CAMK1D: variants seen among roughly 807,000 people sequenced by gnomAD.
The protein encoded by CAMK1D is calcium/calmodulin-dependent protein kinase type 1D.
In CAMK1D, 9 loss-of-function variants were observed where a neutral mutation model predicts 47.7. The ratio of observed to expected loss-of-function variants is 0.19; its 90% CI spans 0.11 to 0.33. The LOEUF (loss-of-function observed/expected upper bound fraction) is 0.33, where lower values mean the gene tolerates loss of function less well. Ranked by LOEUF, CAMK1D falls within the 10% of genes least tolerant of loss-of-function variation. The probability of loss-of-function intolerance (pLI) is 1.00; values close to 1 mark genes in which losing one functional copy is unlikely to be tolerated. For missense variants in CAMK1D, 291 were observed against 488.7 expected, an observed-to-expected ratio of 0.60 and a Z score of 3.81; for synonymous variants, 184 against 184.9, an observed-to-expected ratio of 0.99 and a Z score of 0.04.
chr10:12,793,281 T>C (rs1341479604), intron 6 of CAMK1D, among the ~76,000 whole-genome samples: 1 of 152,192 alleles, frequency 6.6e-6, no homozygotes, highest in Non-Finnish European at 1.5e-5. Flanking sequence ...CCTTTATGTC[T>C]ATCTGGACCT....
intron 1 of CAMK1D, among the ~76,000 whole-genome samples, chr10:12,404,041 T>C (rs1325956118): frequency 6.6e-6 from 1 of 151,196 alleles, no homozygotes; most frequent in African/African-American, 2.4e-5. Flanking sequence ...TTTTTTGAGC[T>C]TTTCTTTTTC....
chr10:12,513,330 C>G (rs1022804885), intron 1 of CAMK1D, among the ~76,000 whole-genome samples: 11 of 152,140 alleles, frequency 7.2e-5, no homozygotes, highest in African/African-American at 2.4e-4. Flanking sequence ...TCGTGTGGGT[C>G]TTTGGGGAGC....
At chr10:12,368,346 T>C (rs1744801081) in intron 1 of CAMK1D, among the ~76,000 whole-genome samples, 1 of 151,976 alleles carries the variant, frequency 6.6e-6, no homozygotes, top group African/African-American at 2.4e-5. Flanking sequence ...TTCCAGGCTA[T>C]AGTGAGCCAT....
chr10:12,374,942 CAAAAA>C (rs71384315), intron 1 of CAMK1D, among the ~76,000 whole-genome samples: 1 of 94,550 alleles, frequency 1.1e-5, no homozygotes. Flanking sequence ...GACTCCGTCT[CAAAAA>C]AAAAAAAAAA....
intron 3 of CAMK1D, among the ~76,000 whole-genome samples, chr10:12,683,142 G>A (rs544172027): frequency 4.7e-5 from 7 of 148,302 alleles, no homozygotes; most frequent in African/African-American, 7.5e-5. Flanking sequence ...GCTGGAGTGC[G>A]GTGGCGTGAT....
At position 12,725,725 on chromosome 10, in the gene CAMK1D, G is replaced by A. The variant is rs12256119; in HGVS notation, c.300-35223G>A. Among the ~76,000 whole-genome samples the A allele has an allele frequency of 5.4e-3, 818 of 152,258 alleles. 7 individuals carry two copies. The highest frequency in any genetic ancestry group is 0.018 in the African/African-American group (742 of 41,522). On this transcript the variant is annotated intron_variant, in intron 3 of 10. Coordinates refer to ENST00000619168, the MANE Select transcript of CAMK1D (RefSeq NM_153498.4). ...CGGGATTCCAAAACTGGTCATGTTC[G>A]TCTAGCCAGCTACACACTACTGAAT...
chr10:12,406,650 G>T (rs1282918640), intron 1 of CAMK1D, among the ~76,000 whole-genome samples: 2 of 147,664 alleles, frequency 1.4e-5, no homozygotes, highest in African/African-American at 5.0e-5. Flanking sequence ...TTGAGCCGGG[G>T]AGGCGGAGGT....
intron 5 of CAMK1D, among the ~76,000 whole-genome samples, chr10:12,787,150 G>C (rs897898063): frequency 6.6e-5 from 10 of 150,958 alleles, no homozygotes; most frequent in African/African-American, 2.2e-4. Flanking sequence ...AGAAGAAGAA[G>C]AAGAAGAAGA....
intron 1 of CAMK1D, among the ~76,000 whole-genome samples, chr10:12,506,008 C>T (rs1266710473): frequency 6.6e-6 from 1 of 152,146 alleles, no homozygotes; most frequent in African/African-American, 2.4e-5. Context: ...CCACCATGTC[C>T]TAGATGTGTG....
intron 6 of CAMK1D, among the ~76,000 whole-genome samples, chr10:12,795,238 A>G (rs2482035): frequency 0.14 from 21,201 of 152,144 alleles, 2,310 homozygotes; most frequent in African/African-American, 0.3. Context: ...GCAGGGTGCC[A>G]TGGCCTGTGT....
intron 7 of CAMK1D, among the ~76,000 whole-genome samples, chr10:12,816,046 G>A (rs3818675): frequency 0.18 from 27,564 of 152,136 alleles, 5,472 homozygotes; most frequent in African/African-American, 0.47. Context: ...CCTCCTCACT[G>A]CTGGGCCACC....
intron 3 of CAMK1D, among the ~76,000 whole-genome samples, chr10:12,723,950 C>CA (rs1429239728): frequency 1.3e-5 from 2 of 152,166 alleles, no homozygotes; most frequent in African/African-American, 4.8e-5. Context: ...TGATGTTCCC[C>CA]TTCCTGTGTC....
At chr10:12,615,433 TGTGA>T (rs1326883594) in intron 2 of CAMK1D, among the ~76,000 whole-genome samples, 5 of 152,070 alleles carry the variant, frequency 3.3e-5, no homozygotes, top group African/African-American at 7.2e-5. Flanking sequence ...AGTCTGAGTG[TGTGA>T]GTGTGTGCAT....
intron 2 of CAMK1D, among the ~76,000 whole-genome samples, chr10:12,643,119 A>G (rs1839711726): frequency 6.6e-6 from 1 of 152,114 alleles, no homozygotes; most frequent in East Asian, 1.9e-4. Context: ...CTCCTGCCTT[A>G]GCAGCCTGAG....
intron 1 of CAMK1D, among the ~76,000 whole-genome samples, chr10:12,384,079 A>G (rs538141442): frequency 6.3e-4 from 96 of 152,374 alleles, no homozygotes; most frequent in Non-Finnish European, 1.1e-3. Context: ...ATAAAAAAAG[A>G]AATTAAGAGA....
chr10:12,772,596 C>T (rs1158883578), intron 5 of CAMK1D, among the ~76,000 whole-genome samples: 1 of 152,188 alleles, frequency 6.6e-6, no homozygotes, highest in Non-Finnish European at 1.5e-5. Context: ...TAAGTGGCTG[C>T]CATCTGCGGG....
chr10:12,704,297 G>A (rs1373937116), intron 3 of CAMK1D, among the ~76,000 whole-genome samples: 1 of 152,184 alleles, frequency 6.6e-6, no homozygotes, highest in Non-Finnish European at 1.5e-5. Flanking sequence ...GCTAATTACA[G>A]TCAGCAGGCT....
At chr10:12,494,025 G>A (rs908709779) in intron 1 of CAMK1D, among the ~76,000 whole-genome samples, 1 of 152,174 alleles carries the variant, frequency 6.6e-6, no homozygotes, top group African/African-American at 2.4e-5. Context: ...ATTTCTGCTG[G>A]GACTTGAGAC....
intron 3 of CAMK1D, among the ~76,000 whole-genome samples, chr10:12,747,107 C>A (rs2130862823): frequency 6.6e-6 from 1 of 152,304 alleles, no homozygotes; most frequent in African/African-American, 2.4e-5. Context: ...TCTCGGCTCG[C>A]TGCAGCCTCC....
Sources: gnomAD v4.1 joint callset for allele counts (sites outside exome capture counted in the v4.1 genomes callset) on GRCh38, gnomAD v4.1.1 for gene constraint, MANE v1.5 for transcripts, NCBI Gene and HGNC (gene_info 2026-07-23, HGNC 2026-07-21) for gene names.